PATJ: variants seen among roughly 807,000 people sequenced by gnomAD.
PATJ encodes PATJ crumbs cell polarity complex component.
A neutral mutation model predicts 224.9 loss-of-function variants in PATJ; 190 were observed. The ratio of observed to expected loss-of-function variants is 0.84; its 90% CI spans 0.75 to 0.95. PATJ has a LOEUF of 0.95. Among genes scored for constraint, PATJ ranks in the 40% least tolerant of loss-of-function variants. PATJ has a pLI of 0.00. For missense variants in PATJ, 2,121 were observed against 2,270.3 expected (o/e 0.93, Z 1.34); for synonymous variants, 769 against 820.3 (o/e 0.94, Z 1.07).
chr1:61,858,298 C>T (rs949379562), intron 18 of PATJ, among the ~76,000 whole-genome samples: 10 of 152,092 alleles, frequency 6.6e-5, no homozygotes, highest in African/African-American at 1.7e-4. Flanking sequence ...AGCCTCACTC[C>T]GTCATCCAAG....
chr1:62,135,142 T>G (rs1666690841), intron 41 of PATJ, among the ~76,000 whole-genome samples: 1 of 152,120 alleles, frequency 6.6e-6, no homozygotes, highest in South Asian at 2.1e-4. Context: ...GGACATCAGA[T>G]GATTTTAAAA....
rs531958747 is a variant in PATJ at position 62,002,782 on chromosome 1, G to C, written c.3867+12418G>C. Among the ~76,000 whole-genome samples the C allele has an allele frequency of 4.6e-5, 7 of 151,430 alleles. No individual in the cohort carries two copies. The South Asian group carries it at 1.5e-3, about 32-fold the overall frequency. ...AAGGGAGCACAGTTAGGGAGTGATAGAGTCCTTTGATGACTGAATGGGTTT... is the reference window on the plus strand; with the variant it reads ...AAGGGAGCACAGTTAGGGAGTGATACAGTCCTTTGATGACTGAATGGGTTT... On this transcript the variant is annotated intron_variant, in intron 28 of 43. Coordinates refer to ENST00000642238, the MANE Select transcript of PATJ (RefSeq NM_001350145.3).
At chr1:62,084,767 AT>A in intron 33 of PATJ, 119 bp downstream of exon 33, 1 of 1,006,244 alleles carries the variant, frequency 9.9e-7, no homozygotes, top group Non-Finnish European at 1.5e-6. Flanking sequence ...AGAAAATGTG[AT>A]TATAAATAGA....
intron 27 of PATJ, among the ~76,000 whole-genome samples, chr1:61,989,553 T>C (rs1019463663): frequency 6.6e-6 from 1 of 152,168 alleles, no homozygotes; most frequent in Non-Finnish European, 1.5e-5. Context: ...GTCCTAAGAG[T>C]AGAAACCATG....
At chr1:62,132,486 A>G (rs1666364059) in intron 41 of PATJ, among the ~76,000 whole-genome samples, 1 of 152,048 alleles carries the variant, frequency 6.6e-6, no homozygotes, top group African/African-American at 2.4e-5. Flanking sequence ...CAACGTGAAT[A>G]TGGAAGCAAA....
Position 61,765,589 on chromosome 1 carries a change from A to G in PATJ, c.190-690A>G, listed in dbSNP as rs913933933. Among the ~76,000 whole-genome samples, 8 of 152,154 alleles carry G rather than the reference A, an allele frequency of 5.3e-5. No homozygotes were observed. In the East Asian group the frequency reaches 1.4e-3, roughly 26 times the overall value. On this transcript the variant is annotated intron_variant, in intron 3 of 43. Coordinates refer to ENST00000642238, the MANE Select transcript of PATJ (RefSeq NM_001350145.3). The stretch of plus-strand genomic sequence containing the variant: ...TGATAGCGATGGGGTTTCACCACTG[A>G]CATTTATTCTTAATGTTACCTTTAT...
intron 1 of PATJ, among the ~76,000 whole-genome samples, chr1:61,749,499 A>G (rs1333026430): frequency 6.6e-6 from 1 of 152,208 alleles, no homozygotes; most frequent in Non-Finnish European, 1.5e-5. Context: ...TTATTGAAGT[A>G]CACATTTAGT....
At chr1:62,024,801 C>T (rs1288422665) in intron 29 of PATJ, among the ~76,000 whole-genome samples, 1 of 151,850 alleles carries the variant, frequency 6.6e-6, no homozygotes, top group Non-Finnish European at 1.5e-5. Context: ...GTGTGGCCAG[C>T]GGGTGTTCAA....
intron 5 of PATJ, 131 bp downstream of exon 5, chr1:61,769,553 A>G: frequency 1.9e-6 from 2 of 1,035,190 alleles, no homozygotes; most frequent in Non-Finnish European, 2.8e-6. Flanking sequence ...CGTTTTTGCT[A>G]TGCATTTGTC....
chr1:61,894,617 G>T (rs566653234), intron 22 of PATJ, among the ~76,000 whole-genome samples: 1 of 152,132 alleles, frequency 6.6e-6, no homozygotes, highest in Non-Finnish European at 1.5e-5. Flanking sequence ...AGTTTCCTGA[G>T]ACCTCCCCAG....
At position 61,910,257 on chromosome 1, in the gene PATJ, C is replaced by T. The variant is rs183875134; in HGVS notation, c.3492+1775C>T. On this transcript the variant is annotated intron_variant, in intron 25 of 43. Transcript: ENST00000642238. ...TGCCAAAAAGGCTAAGCTTTCAATC[C>T]AACCTTTGCTAGTGAGCTGAGGTGG... Among the ~76,000 whole-genome samples, 3 of 152,310 alleles carry T rather than the reference C, an allele frequency of 2.0e-5. No homozygotes were observed. The East Asian group carries it at 5.8e-4, about 29-fold the overall frequency.
Position 61,990,315 on chromosome 1 carries a change from G to A in PATJ, c.3818G>A (p.Gly1273Glu), listed in dbSNP as rs1356472768. 2.5e-6 allele frequency: 4 copies of A among 1,613,704 alleles called. No individual in the cohort carries two copies. Among genetic ancestry groups the A allele is most frequent in the Non-Finnish European group, 3.4e-6 (4 of 1,179,904 alleles). ...SIFVVGINPEGPAAADGRMRI... is the reference protein window; with the variant it reads ...SIFVVGINPEEPAAADGRMRI... ...TTTGTGGTGGGAATTAACCCGGAAG[G>A]ACCTGCTGCCGCAGATGGACGAATG... Residue 1273 changes from glycine (G) to glutamate (E), a missense_variant, in exon 28 of 44, where the codon GGA becomes GAA. Coordinates refer to ENST00000642238, the MANE Select transcript of PATJ (RefSeq NM_001350145.3).
At chr1:61,935,433 C>T (rs1458602886) in intron 27 of PATJ, among the ~76,000 whole-genome samples, 1 of 152,140 alleles carries the variant, frequency 6.6e-6, no homozygotes, top group Non-Finnish European at 1.5e-5. Context: ...AAGACCTGGT[C>T]ATCTTATATC....
intron 29 of PATJ, among the ~76,000 whole-genome samples, chr1:62,035,135 T>C (rs1455554261): frequency 6.6e-6 from 1 of 152,160 alleles, no homozygotes; most frequent in East Asian, 1.9e-4. Context: ...GATGGATTAC[T>C]TTTTCTATAT....
intron 1 of PATJ, among the ~76,000 whole-genome samples, chr1:61,752,286 A>G (rs1056842770): frequency 2.0e-5 from 3 of 151,484 alleles, no homozygotes; most frequent in African/African-American, 4.9e-5. Context: ...AATTATTCTG[A>G]AAAACTGACT....
chr1:62,156,371 A>G (rs1669220389), intron 43 of PATJ, among the ~76,000 whole-genome samples: 2 of 151,052 alleles, frequency 1.3e-5, no homozygotes, highest in Non-Finnish European at 3.0e-5. Flanking sequence ...CTCTACTAAG[A>G]ATACAAAAAT....
chr1:61,770,540 G>C (rs979572902), intron 5 of PATJ, among the ~76,000 whole-genome samples: 3 of 152,122 alleles, frequency 2.0e-5, no homozygotes, highest in African/African-American at 2.4e-5. Context: ...CTCATGATAA[G>C]TGCTCAGTAA....
chr1:61,916,647 C>T (rs1375255280), intron 26 of PATJ, among the ~76,000 whole-genome samples: 1 of 152,196 alleles, frequency 6.6e-6, no homozygotes, highest in Non-Finnish European at 1.5e-5. Context: ...ATCTTACCCA[C>T]TGCCCAAATG....
At chr1:61,934,068 T>A (rs1271525118) in intron 27 of PATJ, among the ~76,000 whole-genome samples, 1 of 152,062 alleles carries the variant, frequency 6.6e-6, no homozygotes, top group Non-Finnish European at 1.5e-5. Context: ...CCTCAGTAGC[T>A]GGGATTACAG....
Sources: gnomAD v4.1 joint callset for allele counts (sites outside exome capture counted in the v4.1 genomes callset) on GRCh38, gnomAD v4.1.1 for gene constraint, MANE v1.5 for transcripts, NCBI Gene and HGNC (gene_info 2026-07-23, HGNC 2026-07-21) for gene names.